STAT1: variants seen among roughly 807,000 people sequenced by gnomAD.
STAT1 encodes signal transducer and activator of transcription 1-alpha/beta.
Under a neutral mutation model 111.7 loss-of-function variants are expected in STAT1, and 24 were observed. That is an observed-to-expected ratio of 0.21 (90% CI 0.16 to 0.30). STAT1 has a LOEUF of 0.30. Among genes scored for constraint, STAT1 ranks in the 10% least tolerant of loss-of-function variants. The pLI is 1.00. For synonymous variants in STAT1, 332 were observed against 326.5 expected (o/e 1.02, Z -0.18); for missense variants, 351 against 911.9 (o/e 0.38, Z 7.92).
chr2:191,007,705 T>C lies in STAT1; in HGVS notation c.274-44A>G. The C allele has an allele frequency of 7.2e-7, 1 of 1,388,670 alleles. No individual in the cohort carries two copies. Among genetic ancestry groups the C allele is most frequent in the East Asian group, 2.3e-5 (1 of 43,720 alleles). 86.0% of individuals were successfully genotyped at this position (1,388,670 alleles called of 1,614,324 possible). A position where few individuals can be genotyped will look rare whatever the true frequency, so the allele number is the denominator to read the frequency against. On this transcript the variant is annotated intron_variant, in intron 4 of 24. Transcript: ENST00000361099. This position sits in a 1 kb window ranked among gnomAD's most constrained non-coding sequence, Gnocchi z 4.2. ...AACAAAAATAAATTAAAATGCAGAATGTTTACTTTATTGTGTATTGTAAGT... is the reference window on the plus strand; with the variant it reads ...AACAAAAATAAATTAAAATGCAGAACGTTTACTTTATTGTGTATTGTAAGT...
rs770841035 is a variant in STAT1, at chr2:191,010,008, T to C, written c.-1-4A>G. 29 of 1,613,804 alleles carry C rather than the reference T, an allele frequency of 1.8e-5. No homozygotes were observed. The South Asian group carries it at 1.9e-4, about 10-fold the overall frequency. On this transcript the variant is annotated splice_region_variant and splice_polypyrimidine_tract_variant and intron_variant, in intron 2 of 24. Transcript: ENST00000361099. Reference sequence around the variant, plus strand: ...AAGTTCGTACCACTGAGACATCCTATAGGGAAAAAGAATATACATTCTTTC... The same window carrying C: ...AAGTTCGTACCACTGAGACATCCTACAGGGAAAAAGAATATACATTCTTTC...
At chr2:191,010,475 G>T (rs1370967210) in intron 2 of STAT1, 2 of 401,200 alleles carry the variant, frequency 5.0e-6, no homozygotes, top group South Asian at 1.9e-5. Flanking sequence ...CCACATAGTA[G>T]GTATCCAATA....
chr2:190,976,910 G>A lies in STAT1; in HGVS notation c.1989C>T (p.Pro663=). Residue 663 remains proline (P), a synonymous_variant, in exon 22 of 25, where the codon CCC becomes CCT. Transcript: ENST00000361099. The surrounding 1 kb of genome is among the most constrained non-coding windows in gnomAD (Gnocchi z 6.0). ...CAATATTTGGATACAGATACTTCAG[G>A]GGATTCTCAGGAATATTCTCAGCAG... The part of the protein sequence containing the change: ...VMAAENIPEN[P]LKYLYPNIDK... The A allele has an allele frequency of 6.2e-7, 1 of 1,614,080 alleles. No individual in the cohort carries two copies. The highest frequency in any genetic ancestry group is 8.5e-7 in the Non-Finnish European group (1 of 1,179,966).
At position 190,998,964 on chromosome 2, in the gene STAT1, T is replaced by C. The variant is rs1332371705; in HGVS notation, c.542-656A>G. On this transcript the variant is annotated intron_variant, in intron 7 of 24. Coordinates refer to ENST00000361099, the MANE Select transcript of STAT1 (RefSeq NM_007315.4). This position sits in a 1 kb window ranked among gnomAD's most constrained non-coding sequence, Gnocchi z 4.1. ...TCTCTTATACTTTCTACCCAAATCA[T>C]ACTGATAATCTCTGCCTATGAACCA... is the stretch of plus-strand genomic sequence containing the variant. 6.6e-6 allele frequency among the ~76,000 whole-genome samples: 1 copy of C among 152,128 alleles called. No individual in the cohort carries two copies. Among genetic ancestry groups the C allele is most frequent in the Admixed American group, 6.5e-5 (1 of 15,282 alleles).
Position 190,984,294 on chromosome 2 carries a change from A to T in STAT1, c.1347+16T>A, listed in dbSNP as rs1384190686. 5.6e-6 allele frequency: 9 copies of T among 1,600,390 alleles called. No homozygotes were observed. The highest frequency in any genetic ancestry group is 7.7e-6 in the Non-Finnish European group (9 of 1,167,542). ...AAATAATGAAGTTTTCCAACTCGGG[A>T]CCATAAAAGTCTTACCTCGAGGTCA... On this transcript the variant is annotated intron_variant, in intron 16 of 24. Coordinates refer to ENST00000361099, the MANE Select transcript of STAT1 (RefSeq NM_007315.4). This position sits in a 1 kb window ranked among gnomAD's most constrained non-coding sequence, Gnocchi z 5.2.
At position 191,012,813 on chromosome 2, in the gene STAT1, G is replaced by A. The variant is rs548210466; in HGVS notation, c.-2+712C>T. On this transcript the variant is annotated intron_variant, in intron 2 of 24. Coordinates refer to ENST00000361099, the MANE Select transcript of STAT1 (RefSeq NM_007315.4). The surrounding 1 kb of genome is among the most constrained non-coding windows in gnomAD (Gnocchi z 4.0). ...CTCCAGCTACTCGCCCTTGGAAACA[G>A]CCTCTCCACAAATTTTTGCGTCTCT... Among the ~76,000 whole-genome samples, 1 of 152,296 alleles carries A rather than the reference G, an allele frequency of 6.6e-6. No homozygotes were observed. The highest frequency in any genetic ancestry group is 2.1e-4 in the South Asian group (1 of 4,822).
At position 190,980,138 on chromosome 2, in the gene STAT1, C is replaced by G. The variant is rs969511716; in HGVS notation, c.1633-272G>C. Among the ~76,000 whole-genome samples, 1 of 152,240 alleles carries G rather than the reference C, an allele frequency of 6.6e-6. No homozygotes were observed. The highest frequency in any genetic ancestry group is 1.9e-4 in the East Asian group (1 of 5,202). On this transcript the variant is annotated intron_variant, in intron 19 of 24. Transcript: ENST00000361099. This position sits in a 1 kb window ranked among gnomAD's most constrained non-coding sequence, Gnocchi z 6.1. ...CAGTAGCAAGCTAGCCTGGGGGTGACCTCCAGCGTGACTCACGGAAACACA... is the reference window on the plus strand; with the variant it reads ...CAGTAGCAAGCTAGCCTGGGGGTGAGCTCCAGCGTGACTCACGGAAACACA...
At position 190,986,783 on chromosome 2, in the gene STAT1, A is replaced by T; in HGVS notation, c.1221+71T>A. On this transcript the variant is annotated intron_variant, in intron 14 of 24. Coordinates refer to ENST00000361099, the MANE Select transcript of STAT1 (RefSeq NM_007315.4). The surrounding 1 kb of genome is among the most constrained non-coding windows in gnomAD (Gnocchi z 5.0). ...GCGTCCTCCACATGGCAATGTGCCAAAAAGGGCTGCTCTATTGTCAAAAGT... is the reference window on the plus strand; with the variant it reads ...GCGTCCTCCACATGGCAATGTGCCATAAAGGGCTGCTCTATTGTCAAAAGT... 6.8e-7 allele frequency: 1 copy of T among 1,480,654 alleles called. No homozygotes were observed. Among genetic ancestry groups the T allele is most frequent in the Non-Finnish European group, 9.4e-7 (1 of 1,059,116 alleles). The allele number at this position is 1,480,654 out of a possible 1,614,324, so 91.7% of individuals were successfully genotyped here. A position where few individuals can be genotyped will look rare whatever the true frequency, so the allele number is the denominator to read the frequency against.
At chr2:191,008,762 C>T (rs1327771006) in intron 4 of STAT1, among the ~76,000 whole-genome samples, 1 of 152,084 alleles carries the variant, frequency 6.6e-6, no homozygotes, top group African/African-American at 2.4e-5. Context: ...CTAAAAATTC[C>T]TTCTGTGTTT....
Position 191,006,138 on chromosome 2 carries a change from TG to T in STAT1, c.372+1424del, listed in dbSNP as rs1202048970. On this transcript the variant is annotated intron_variant, in intron 5 of 24. Coordinates refer to ENST00000361099, the MANE Select transcript of STAT1 (RefSeq NM_007315.4). This position sits in a 1 kb window ranked among gnomAD's most constrained non-coding sequence, Gnocchi z 4.6. ...TTGTCCTTCTGCCCATCTTTGCTCC[TG>T]GCTGTCCTTTCAAGTCTATTAGAAA... Among the ~76,000 whole-genome samples, 1 of 152,246 alleles carries T rather than the reference TG, an allele frequency of 6.6e-6. No individual in the cohort carries two copies. Among genetic ancestry groups the T allele is most frequent in the Non-Finnish European group, 1.5e-5 (1 of 68,048 alleles).
chr2:191,010,705 GAT>G (rs1695054364), intron 2 of STAT1, among the ~76,000 whole-genome samples: 1 of 152,028 alleles, frequency 6.6e-6, no homozygotes, highest in African/African-American at 2.4e-5. Context: ...CATTTAAAAA[GAT>G]ATATTTTCTT....
chr2:191,003,272 A>C lies in STAT1; in HGVS notation c.373-2109T>G, dbSNP rs1419681258. ...ATCCTCTGTAAGTCCAAGGTGCCACATATCACTCAGTGACAAAAGGGGTTT... is the reference window on the plus strand; with the variant it reads ...ATCCTCTGTAAGTCCAAGGTGCCACCTATCACTCAGTGACAAAAGGGGTTT... On this transcript the variant is annotated intron_variant, in intron 5 of 24. Coordinates refer to ENST00000361099, the MANE Select transcript of STAT1 (RefSeq NM_007315.4). The surrounding 1 kb of genome is among the most constrained non-coding windows in gnomAD (Gnocchi z 4.0). Among the ~76,000 whole-genome samples, 1 of 152,244 alleles carries C rather than the reference A, an allele frequency of 6.6e-6. No individual in the cohort carries two copies. The highest frequency in any genetic ancestry group is 1.5e-5 in the Non-Finnish European group (1 of 68,044).
At position 190,981,697 on chromosome 2, in the gene STAT1, C is replaced by T. The variant is rs754355669; in HGVS notation, c.1582+686G>A. On this transcript the variant is annotated intron_variant, in intron 18 of 24. Coordinates refer to ENST00000361099, the MANE Select transcript of STAT1 (RefSeq NM_007315.4). The surrounding 1 kb of genome is among the most constrained non-coding windows in gnomAD (Gnocchi z 4.1). Reference sequence around the variant, plus strand: ...TTGGAGTAAATGCAGTGCTGCTCTACAGAAAGCAAATCTGGATACAAGTTG... The same window carrying T: ...TTGGAGTAAATGCAGTGCTGCTCTATAGAAAGCAAATCTGGATACAAGTTG... Among the ~76,000 whole-genome samples, 22 of 152,240 alleles carry T rather than the reference C, an allele frequency of 1.4e-4. No homozygotes were observed. Among genetic ancestry groups the T allele is most frequent in the Non-Finnish European group, 2.8e-4 (19 of 68,044 alleles).
chr2:191,003,072 G>A lies in STAT1; in HGVS notation c.373-1909C>T, dbSNP rs1473377764. Reference sequence around the variant, plus strand: ...AGGACTTTTATATTGATACTCATAAGTAAAATTGGTCCATAATTTTTTGTT... The same window carrying A: ...AGGACTTTTATATTGATACTCATAAATAAAATTGGTCCATAATTTTTTGTT... On this transcript the variant is annotated intron_variant, in intron 5 of 24. Coordinates refer to ENST00000361099, the MANE Select transcript of STAT1 (RefSeq NM_007315.4). This position sits in a 1 kb window ranked among gnomAD's most constrained non-coding sequence, Gnocchi z 4.0. 6.6e-6 allele frequency among the ~76,000 whole-genome samples: 1 copy of A among 152,244 alleles called. No homozygotes were observed.
chr2:190,975,779 T>G lies in STAT1; in HGVS notation c.2135+33A>C. The G allele has an allele frequency of 1.2e-6, 2 of 1,613,084 alleles. No individual in the cohort carries two copies. Among genetic ancestry groups the G allele is most frequent in the Non-Finnish European group, 1.7e-6 (2 of 1,179,128 alleles). On this transcript the variant is annotated intron_variant, in intron 23 of 24. Coordinates refer to ENST00000361099, the MANE Select transcript of STAT1 (RefSeq NM_007315.4). This position sits in a 1 kb window ranked among gnomAD's most constrained non-coding sequence, Gnocchi z 5.9. ...GCCAGGAGCAAGGCTGGCTTGAGGT[T>G]TGTAAACATGTCACTCTTCTGTGTT...
At position 190,987,489 on chromosome 2, in the gene STAT1, G is replaced by T. The variant is rs1331988743; in HGVS notation, c.1098-421C>A. Among the ~76,000 whole-genome samples the T allele has an allele frequency of 6.6e-6, 1 of 152,226 alleles. No individual in the cohort carries two copies. Among genetic ancestry groups the T allele is most frequent in the African/African-American group, 2.4e-5 (1 of 41,450 alleles). On this transcript the variant is annotated intron_variant, in intron 12 of 24. Transcript: ENST00000361099. This position sits in a 1 kb window ranked among gnomAD's most constrained non-coding sequence, Gnocchi z 4.0. ...GCAAGGCCCTGCACTAAGCACTGGGGATCCAGCCAACAGCACTGCCCAGTA... is the reference window on the plus strand; with the variant it reads ...GCAAGGCCCTGCACTAAGCACTGGGTATCCAGCCAACAGCACTGCCCAGTA...
Position 190,993,092 on chromosome 2 carries a change from G to C in STAT1, c.945-1772C>G. 2.6e-6 allele frequency: 1 copy of C among 386,870 alleles called. No individual in the cohort carries two copies. The allele number at this position is 386,870 out of a possible 1,614,324, so 24.0% of individuals were successfully genotyped here. A position where few individuals can be genotyped will look rare whatever the true frequency, so the allele number is the denominator to read the frequency against. ...GGCATGAGCCACCGTGCCGGGCCTT[G>C]TTGCATTCCTAGCACTAGTTTCCAA... On this transcript the variant is annotated intron_variant, in intron 10 of 24. Transcript: ENST00000361099. The surrounding 1 kb of genome is among the most constrained non-coding windows in gnomAD (Gnocchi z 4.1).
rs1430662949 is a variant in STAT1 at position 190,998,303 on chromosome 2, C to T, written c.547G>A (p.Glu183Lys). The T allele has an allele frequency of 6.2e-7, 1 of 1,612,624 alleles. No homozygotes were observed. Among genetic ancestry groups the T allele is most frequent in the Non-Finnish European group, 8.5e-7 (1 of 1,179,184 alleles). Reference sequence around the variant, plus strand: ...TCACTCTTTGCCACACCATTGGTCTCGTGTTCTATAAATTGAGAGACAGCC... The same window carrying T: ...TCACTCTTTGCCACACCATTGGTCTTGTGTTCTATAAATTGAGAGACAGCC... ...KCKTLQNREH[E>K]TNGVAKSDQK... The change falls in exon 8 of 25, where the codon GAG becomes AAG. Residue 183 changes from glutamate to lysine, a missense_variant. Glu to Lys is a moderately conservative substitution (Grantham distance 56). Coordinates refer to ENST00000361099, the MANE Select transcript of STAT1 (RefSeq NM_007315.4). The surrounding 1 kb of genome is among the most constrained non-coding windows in gnomAD (Gnocchi z 4.1).
chr2:190,986,989 A>G lies in STAT1; in HGVS notation c.1128-42T>C, dbSNP rs1692887048. 2 of 1,611,238 alleles carry G rather than the reference A, an allele frequency of 1.2e-6. No homozygotes were observed. Among genetic ancestry groups the G allele is most frequent in the Non-Finnish European group, 1.7e-6 (2 of 1,177,478 alleles). On this transcript the variant is annotated intron_variant, in intron 13 of 24. Coordinates refer to ENST00000361099, the MANE Select transcript of STAT1 (RefSeq NM_007315.4). The surrounding 1 kb of genome is among the most constrained non-coding windows in gnomAD (Gnocchi z 5.0). ...AGAAATGCTGAAAAGTCTTCCAACT[A>G]TTAAATAAATAAAAATATAGCACAG...
Sources: allele counts gnomAD v4.1 joint callset (sites outside exome capture counted in the v4.1 genomes callset), GRCh38; gene constraint gnomAD v4.1.1; non-coding constraint Gnocchi (gnomAD v3.1); transcripts MANE v1.5; gene names NCBI Gene and HGNC (gene_info 2026-07-23, HGNC 2026-07-21).